Variants in AFF3 observed in about 807,000 individuals in gnomAD.
AFF3 encodes the protein AF4/FMR2 family member 3.
Under a neutral mutation model 129.7 loss-of-function variants are expected in AFF3, and 32 were observed. The ratio of observed to expected loss-of-function variants is 0.25; its 90% CI spans 0.19 to 0.33. AFF3 has a LOEUF of 0.33. AFF3 is among the 10% of genes least tolerant of loss of function. The pLI, the probability that AFF3 is intolerant of heterozygous loss-of-function variation, is 1.00. For synonymous variants in AFF3, 644 were observed against 635.4 expected, an observed-to-expected ratio of 1.01 and a Z score of -0.20; for missense variants, 1,373 against 1,592.0, an observed-to-expected ratio of 0.86 and a Z score of 2.34.
chr2:99,634,248 T>A (rs1009692052), intron 13 of AFF3, among the ~76,000 whole-genome samples: 1 of 152,184 alleles, frequency 6.6e-6, no homozygotes, highest in Admixed American at 6.5e-5. Flanking sequence ...AGGTATCCCT[T>A]TATAGCAAGA....
intron 11 of AFF3, among the ~76,000 whole-genome samples, chr2:99,708,844 A>C (rs1027017782): frequency 6.6e-6 from 1 of 152,244 alleles, no homozygotes; most frequent in Non-Finnish European, 1.5e-5. Flanking sequence ...AGGGCGACAC[A>C]TAATTCCAAA....
chr2:100,064,089 C>CA (rs1192294812), intron 4 of AFF3, among the ~76,000 whole-genome samples: 12 of 118,748 alleles, frequency 1.0e-4, no homozygotes, highest in East Asian at 2.4e-4. Context: ...AACTCCGTCT[C>CA]AAAAAAAAAA....
intron 2 of AFF3, chr2:100,112,535 T>TA (rs5832898): frequency 0.21 from 31,855 of 151,752 alleles, 4,258 homozygotes; most frequent in Admixed American, 0.34. Context: ...CTACAAAAAA[T>TA]AAAAAATTAG....
chr2:99,590,487 A>G (rs549103639), intron 15 of AFF3, among the ~76,000 whole-genome samples: 44 of 152,318 alleles, frequency 2.9e-4, no homozygotes, highest in Admixed American at 1.2e-3. Context: ...GCACACCACT[A>G]TGGTCCCATG....
chr2:99,861,479 T>G (rs1690996553), intron 7 of AFF3, among the ~76,000 whole-genome samples: 1 of 152,146 alleles, frequency 6.6e-6, no homozygotes, highest in South Asian at 2.1e-4. Context: ...ATAAGATGGG[T>G]TATACACTTA....
intron 4 of AFF3, among the ~76,000 whole-genome samples, chr2:100,039,885 C>A (rs920935614): frequency 3.9e-5 from 6 of 152,174 alleles, no homozygotes; most frequent in African/African-American, 1.4e-4. Context: ...TTCCATTGTT[C>A]TCTCTAGGAC....
At chr2:99,772,281 G>A (rs1179120321) in intron 8 of AFF3, among the ~76,000 whole-genome samples, 1 of 152,188 alleles carries the variant, frequency 6.6e-6, no homozygotes, top group African/African-American at 2.4e-5. Context: ...CCGTGTGCTT[G>A]GTCTGTGGGG....
intron 11 of AFF3, among the ~76,000 whole-genome samples, chr2:99,717,636 G>A (rs1157064750): frequency 1.3e-5 from 2 of 152,100 alleles, no homozygotes; most frequent in East Asian, 1.9e-4. Flanking sequence ...TCAGATACAC[G>A]TATTGCGAAT....
chr2:99,563,808 C>G (rs1362778589), intron 20 of AFF3, among the ~76,000 whole-genome samples: 3 of 51,286 alleles, frequency 5.8e-5, no homozygotes, highest in Non-Finnish European at 1.2e-4. Flanking sequence ...GAAATTTAGT[C>G]TCAAAAAAAA....
intron 7 of AFF3, among the ~76,000 whole-genome samples, chr2:99,983,397 GATTCA>G (rs1186732906): frequency 6.6e-6 from 1 of 152,036 alleles, no homozygotes; most frequent in Non-Finnish European, 1.5e-5. Context: ...AATCCAAGAT[GATTCA>G]ATTCTTTTTC....
chr2:99,778,870 T>TTGTGTGTG (rs60512639), intron 8 of AFF3, among the ~76,000 whole-genome samples: 1 of 138,402 alleles, frequency 7.2e-6, no homozygotes, highest in African/African-American at 2.7e-5. Flanking sequence ...ACCTATAATT[T>TTGTGTGTG]TGTGTGTGTG....
intron 11 of AFF3, among the ~76,000 whole-genome samples, chr2:99,687,640 G>T (rs561652795): frequency 1.3e-3 from 201 of 152,194 alleles, no homozygotes; most frequent in Non-Finnish European, 2.3e-3. Context: ...AGGGAGGAAA[G>T]TATGGGGCTT....
intron 24 of AFF3, among the ~76,000 whole-genome samples, chr2:99,553,527 A>C (rs548321464): frequency 2.0e-5 from 3 of 152,298 alleles, no homozygotes; most frequent in African/African-American, 7.2e-5. Flanking sequence ...AAGAGTTAAC[A>C]GCATATGTTG....
intron 4 of AFF3, among the ~76,000 whole-genome samples, chr2:100,080,434 AAAAC>A (rs369129881): frequency 0.018 from 2,683 of 152,130 alleles, 83 homozygotes; most frequent in African/African-American, 0.062. Flanking sequence ...GCTGAAACTA[AAAAC>A]AAACAAACAA....
At chr2:100,114,845 G>A (rs1373716205) in intron 2 of AFF3, among the ~76,000 whole-genome samples, 1 of 152,198 alleles carries the variant, frequency 6.6e-6, no homozygotes, top group African/African-American at 2.4e-5. Flanking sequence ...ATTCCAAAAT[G>A]AAAAGCTTCT....
At chr2:99,734,198 T>A (rs1366838958) in intron 10 of AFF3, among the ~76,000 whole-genome samples, 1 of 152,190 alleles carries the variant, frequency 6.6e-6, no homozygotes, top group Non-Finnish European at 1.5e-5. Flanking sequence ...TATTAAAAGT[T>A]TTAAACTATA....
At chr2:99,971,659 T>C (rs78376303) in intron 7 of AFF3, among the ~76,000 whole-genome samples, 3,326 of 152,302 alleles carry the variant, frequency 0.022, 138 homozygotes, top group African/African-American at 0.076. Context: ...CCACTTTGTA[T>C]TGAAAACTCT....
intron 12 of AFF3, among the ~76,000 whole-genome samples, chr2:99,659,365 G>A (rs1278624496): frequency 6.6e-6 from 1 of 152,232 alleles, no homozygotes; most frequent in Non-Finnish European, 1.5e-5. Flanking sequence ...GTAGCCATCA[G>A]ACCCAACGCT....
chr2:99,670,534 T>C (rs1314464675), intron 12 of AFF3, among the ~76,000 whole-genome samples: 1 of 99,458 alleles, frequency 1.0e-5, no homozygotes, highest in African/African-American at 4.9e-5. Context: ...AGTGTATGTG[T>C]CTGTGTGTGT....
Sources: gnomAD v4.1 joint callset for allele counts (sites outside exome capture counted in the v4.1 genomes callset) on GRCh38, gnomAD v4.1.1 for gene constraint, MANE v1.5 for transcripts, NCBI Gene and HGNC (gene_info 2026-07-23, HGNC 2026-07-21) for gene names.